Variants in NAT1 observed in about 807,000 individuals in gnomAD.
NAT1 encodes the protein arylamine N-acetyltransferase 1.
For synonymous variants in NAT1, 144 were observed against 122.6 expected, an observed-to-expected ratio of 1.17 and a Z score of -1.16; for missense variants, 400 against 339.2, an observed-to-expected ratio of 1.18 and a Z score of -1.41.
chr8:18,187,936 A>AACACACACACACACACACACACAC (rs35203470), intron 2 of NAT1, among the ~76,000 whole-genome samples: 8 of 137,394 alleles, frequency 5.8e-5, no homozygotes, highest in Admixed American at 3.0e-4. Context: ...TTGTATCTTA[A>AACACACACACACACACACACACAC]ACACACACAC....
chr8:18,179,035 C>T lies in NAT1; in HGVS notation n.92+8296C>T, dbSNP rs28383671. On this transcript the variant is annotated intron_variant and non_coding_transcript_variant, in intron 2 of 4. Coordinates refer to the NAT1 transcript ENST00000517441. ...TTCCTGCGTGCCTTTAATTAGTCAA[C>T]ATTTATCCCTCTATATTCCACTGTA... 3.5e-3 allele frequency among the ~76,000 whole-genome samples: 540 copies of T among 152,202 alleles called. 4 individuals are homozygous for T. Among genetic ancestry groups the T allele is most frequent in the African/African-American group, 0.013 (527 of 41,554 alleles).
At chr8:18,197,480 G>T (rs1209977344) in intron 2 of NAT1, among the ~76,000 whole-genome samples, 1 of 152,180 alleles carries the variant, frequency 6.6e-6, no homozygotes, top group East Asian at 1.9e-4. Context: ...ACTAGGTAGT[G>T]CTATTGGCAT....
intron 2 of NAT1, among the ~76,000 whole-genome samples, chr8:18,198,188 C>T (rs2117281774): frequency 6.6e-6 from 1 of 152,126 alleles, no homozygotes; most frequent in Admixed American, 6.5e-5. Context: ...GCTTTTCTTC[C>T]TCCAGAATCA....
chr8:18,206,575 C>G (rs774622087), upstream of NAT1, among the ~76,000 whole-genome samples: 1 of 152,150 alleles, frequency 6.6e-6, no homozygotes, highest in African/African-American at 2.4e-5. Flanking sequence ...AAAAAGTACA[C>G]AAGCCCTTTT....
intron 2 of NAT1, among the ~76,000 whole-genome samples, chr8:18,202,839 C>T (rs192639629): frequency 2.6e-5 from 4 of 152,286 alleles, no homozygotes; most frequent in Non-Finnish European, 5.9e-5. Context: ...GGGACCCCAG[C>T]AGGTTGCCAC....
Position 18,222,983 on chromosome 8 carries a change from T to C in NAT1, c.*63T>C, listed in dbSNP as rs757125550. 8.7e-6 allele frequency: 12 copies of C among 1,382,962 alleles called. No homozygotes were observed. Among genetic ancestry groups the C allele is most frequent in the Non-Finnish European group, 1.2e-5 (12 of 1,032,830 alleles). The allele number at this position is 1,382,962 out of a possible 1,614,324, so 85.7% of individuals were successfully genotyped here. A position where few individuals can be genotyped will look rare whatever the true frequency, so the allele number is the denominator to read the frequency against. On this transcript the variant is annotated 3_prime_UTR_variant, in exon 3 of 3. Coordinates refer to ENST00000307719, the MANE Select transcript of NAT1 (RefSeq NM_000662.8). ...GCTCACCAGTTATCAACTGACGACCTATCATGTATCTTCTGTACCCTTACC... is the reference window on the plus strand; with the variant it reads ...GCTCACCAGTTATCAACTGACGACCCATCATGTATCTTCTGTACCCTTACC...
intron 1 of NAT1, among the ~76,000 whole-genome samples, chr8:18,215,930 G>T (rs917794337): frequency 6.6e-6 from 1 of 152,154 alleles, no homozygotes; most frequent in Non-Finnish European, 1.5e-5. Flanking sequence ...ACAGGTCTAT[G>T]CCTTTCTCTG....
chr8:18,208,952 G>T (rs1452047549), upstream of NAT1, among the ~76,000 whole-genome samples: 1 of 152,170 alleles, frequency 6.6e-6, no homozygotes, highest in East Asian at 1.9e-4. Flanking sequence ...ATGATTTAAG[G>T]ACGTACCAGT....
chr8:18,193,682 C>G (rs1418595956), intron 2 of NAT1, among the ~76,000 whole-genome samples: 1 of 126,628 alleles, frequency 7.9e-6, no homozygotes, highest in Admixed American at 9.1e-5. Context: ...CTTGGGGTCA[C>G]CCAGGCTGGA....
chr8:18,170,808 C>T (rs188676969), intron 2 of NAT1: 46 of 152,266 alleles, frequency 3.0e-4, no homozygotes, highest in African/African-American at 8.2e-4. Context: ...GGGTGAGCCT[C>T]TCTCTGGGAT....
intron 2 of NAT1, among the ~76,000 whole-genome samples, chr8:18,173,469 T>A (rs1433524170): frequency 6.6e-6 from 1 of 152,184 alleles, no homozygotes; most frequent in African/African-American, 2.4e-5. Flanking sequence ...TGGATACTCA[T>A]GTGCTTATGC....
At chr8:18,174,548 A>G (rs139100580) in intron 2 of NAT1, among the ~76,000 whole-genome samples, 2 of 152,252 alleles carry the variant, frequency 1.3e-5, no homozygotes, top group East Asian at 3.9e-4. Context: ...ACAGAAAAGT[A>G]TTACATTTTC....
chr8:18,206,841 C>T (rs28741076), upstream of NAT1, among the ~76,000 whole-genome samples: 173 of 152,244 alleles, frequency 1.1e-3, no homozygotes, highest in Admixed American at 2.4e-3. Flanking sequence ...GGCAGTATGG[C>T]CATTTTCATG....
intron 2 of NAT1, among the ~76,000 whole-genome samples, chr8:18,186,249 G>A (rs901262112): frequency 7.9e-5 from 12 of 152,160 alleles, no homozygotes; most frequent in African/African-American, 2.2e-4. Flanking sequence ...ACTTCTTCCC[G>A]TAGTTCTTTT....
intron 2 of NAT1, among the ~76,000 whole-genome samples, chr8:18,184,794 C>G (rs1397078888): frequency 6.6e-6 from 1 of 152,120 alleles, no homozygotes; most frequent in East Asian, 1.9e-4. Flanking sequence ...CTTGGCCCTT[C>G]CACTTTCTGC....
chr8:18,183,119 C>T (rs1262527979), intron 2 of NAT1, among the ~76,000 whole-genome samples: 2 of 152,074 alleles, frequency 1.3e-5, no homozygotes, highest in East Asian at 3.9e-4. Context: ...GTCAATGCAC[C>T]AACCAGAGGG....
intron 2 of NAT1, among the ~76,000 whole-genome samples, chr8:18,193,067 ATTTTTTTTTT>A (rs1167481551): frequency 1.6e-4 from 13 of 79,632 alleles, no homozygotes; most frequent in Admixed American, 3.2e-4. Context: ...ATGAATTAGA[ATTTTTTTTTT>A]TTTTTTTTTT....
Position 18,215,337 on chromosome 8 carries a change from G to A in NAT1, c.-85-4074G>A, listed in dbSNP as rs17693103. 1.9e-3 allele frequency among the ~76,000 whole-genome samples: 282 copies of A among 152,194 alleles called. 1 individual carries two copies. Among genetic ancestry groups the A allele is most frequent in the African/African-American group, 6.5e-3 (270 of 41,540 alleles). On this transcript the variant is annotated intron_variant, in intron 1 of 2. Coordinates refer to ENST00000307719, the MANE Select transcript of NAT1 (RefSeq NM_000662.8). ...TTTGCATTGGCTTGTCCTTGACTGC[G>A]TTCTATTTTATTCTATCTTAATTGC...
At chr8:18,183,397 C>A (rs964006413) in intron 2 of NAT1, among the ~76,000 whole-genome samples, 1 of 152,180 alleles carries the variant, frequency 6.6e-6, no homozygotes, top group Non-Finnish European at 1.5e-5. Flanking sequence ...ATATAAAATA[C>A]ATTAATTCTT....
Sources: gnomAD v4.1 joint callset for allele counts (sites outside exome capture counted in the v4.1 genomes callset) on GRCh38, gnomAD v4.1.1 for gene constraint, MANE v1.5 for transcripts, NCBI Gene and HGNC (gene_info 2026-07-23, HGNC 2026-07-21) for gene names.